Variants in PIP4K2A observed in about 807,000 individuals in gnomAD.
PIP4K2A encodes phosphatidylinositol-5-phosphate 4-kinase type 2 alpha, also known as phosphatidylinositol 5-phosphate 4-kinase type-2 alpha.
PIP4K2A carries 14 observed loss-of-function variants against 42.9 expected under a neutral mutation model. That is an observed-to-expected ratio of 0.33 (90% CI 0.22 to 0.51). The LOEUF is 0.51. Ranked by LOEUF, PIP4K2A falls within the 20% of genes least tolerant of loss-of-function variation. The pLI is 0.97. For missense variants in PIP4K2A, 434 were observed against 519.8 expected, an observed-to-expected ratio of 0.83 and a Z score of 1.61; for synonymous variants, 192 against 192.2, an observed-to-expected ratio of 1.00 and a Z score of 0.01.
At chr10:22,625,895 G>C (rs1294280125) in intron 1 of PIP4K2A, among the ~76,000 whole-genome samples, 2 of 152,178 alleles carry the variant, frequency 1.3e-5, no homozygotes, top group Non-Finnish European at 2.9e-5. Flanking sequence ...ACTCAGGAGG[G>C]AGGGGAAATG....
rs116613990 is a variant in PIP4K2A at position 22,561,359 on chromosome 10, C to T, written c.678+6492G>A. 1.8e-3 allele frequency among the ~76,000 whole-genome samples: 274 copies of T among 152,242 alleles called. 1 individual carries two copies. The highest frequency in any genetic ancestry group is 6.5e-3 in the African/African-American group (269 of 41,536). On this transcript the variant is annotated intron_variant, in intron 6 of 9. Coordinates refer to ENST00000376573, the MANE Select transcript of PIP4K2A (RefSeq NM_005028.5). The stretch of plus-strand genomic sequence containing the variant: ...CATGATTATGCTAATGCAAATCACA[C>T]TAATTACATGTCAAGCTACAATCTA...
At chr10:22,568,578 C>T (rs1386021358) in intron 5 of PIP4K2A, among the ~76,000 whole-genome samples, 2 of 152,154 alleles carry the variant, frequency 1.3e-5, no homozygotes, top group Non-Finnish European at 2.9e-5. Flanking sequence ...GAAAACATGG[C>T]CCTTGATCTC....
rs777853136 is a variant in PIP4K2A, at chr10:22,607,971, G to A, written c.295C>T (p.Arg99Cys). ...ATTCCAAACCTCTCCCGCAGGTTAC[G>A]GAAGACCATCGGGCAGTATTCCTTA... ...KFKEYCPMVFRNLRERFGIDD... is the reference protein window; with the variant it reads ...KFKEYCPMVFCNLRERFGIDD... The change falls in exon 3 of 10, where the codon CGT (arginine) becomes TGT (cysteine). Residue 99 changes from arginine to cysteine, a missense_variant. This residue lies in a region of PIP4K2A where 395 missense variants were observed against 444.5 expected (regional missense o/e 0.89). Transcript: ENST00000376573. 5.6e-6 allele frequency: 9 copies of A among 1,613,218 alleles called. No homozygotes were observed. Among genetic ancestry groups the A allele is most frequent in the Non-Finnish European group, 5.9e-6 (7 of 1,179,482 alleles).
At chr10:22,592,767 G>A (rs1837542686) in intron 3 of PIP4K2A, among the ~76,000 whole-genome samples, 1 of 152,172 alleles carries the variant, frequency 6.6e-6, no homozygotes, top group South Asian at 2.1e-4. Context: ...GCAAACCCCT[G>A]GCCCCCAGAA....
At chr10:22,700,501 C>T (rs1833693334) in intron 1 of PIP4K2A, among the ~76,000 whole-genome samples, 1 of 152,174 alleles carries the variant, frequency 6.6e-6, no homozygotes, top group Non-Finnish European at 1.5e-5. Context: ...CCGAGAAAAG[C>T]AAGGCAAACC....
At position 22,675,592 on chromosome 10, in the gene PIP4K2A, AAAAC is replaced by A. The variant is rs772499340; in HGVS notation, c.144+38587_144+38590del. ...GCAACAGAGTGAGACTCCGTCTCAA[AAAAC>A]AAACAAACAAAAACACTGTTGAGGA... On this transcript the variant is annotated intron_variant, in intron 1 of 9. Coordinates refer to ENST00000376573, the MANE Select transcript of PIP4K2A (RefSeq NM_005028.5). Among the ~76,000 whole-genome samples, 5 of 152,342 alleles carry A rather than the reference AAAAC, an allele frequency of 3.3e-5. 1 individual carries two copies. The highest frequency in any genetic ancestry group is 9.6e-5 in the African/African-American group (4 of 41,578).
chr10:22,610,783 C>T (rs1043197498), intron 1 of PIP4K2A, among the ~76,000 whole-genome samples: 2 of 152,150 alleles, frequency 1.3e-5, no homozygotes, highest in African/African-American at 2.4e-5. Context: ...AAGGCTTCAA[C>T]GTTAACCTGA....
chr10:22,546,355 C>A (rs983919871), intron 7 of PIP4K2A, among the ~76,000 whole-genome samples: 4 of 152,016 alleles, frequency 2.6e-5, no homozygotes, highest in African/African-American at 9.7e-5. Flanking sequence ...AGTTTGTAGA[C>A]CGGGGGAAAA....
At position 22,697,581 on chromosome 10, in the gene PIP4K2A, G is replaced by A. The variant is rs144475290; in HGVS notation, c.144+16602C>T. On this transcript the variant is annotated intron_variant, in intron 1 of 9. Transcript: ENST00000376573. ...CAAAAATTTGTTTTTAAAAATTAGCGGGGTATGGTGGCACACAACTATAGT... is the reference window on the plus strand; with the variant it reads ...CAAAAATTTGTTTTTAAAAATTAGCAGGGTATGGTGGCACACAACTATAGT... 5.0e-3 allele frequency among the ~76,000 whole-genome samples: 761 copies of A among 152,154 alleles called. 6 individuals carry two copies. The highest frequency in any genetic ancestry group is 0.017 in the African/African-American group (715 of 41,512).
chr10:22,635,014 G>C (rs1341309181), intron 1 of PIP4K2A, among the ~76,000 whole-genome samples: 2 of 152,120 alleles, frequency 1.3e-5, no homozygotes, highest in Non-Finnish European at 2.9e-5. Flanking sequence ...AGAAGACTAC[G>C]ATGGGGTGGA....
intron 1 of PIP4K2A, among the ~76,000 whole-genome samples, chr10:22,689,520 G>A (rs1839820958): frequency 6.6e-6 from 1 of 152,120 alleles, no homozygotes; most frequent in Non-Finnish European, 1.5e-5. Flanking sequence ...ATTGTATTAA[G>A]TACTATAATC....
intron 7 of PIP4K2A, 107 bp downstream of exon 7, chr10:22,550,552 G>T: frequency 1.3e-6 from 1 of 743,660 alleles, no homozygotes. Context: ...GAGTATGCAG[G>T]TTTTTGCCTT....
chr10:22,580,715 C>A (rs1837253922), intron 4 of PIP4K2A, among the ~76,000 whole-genome samples: 1 of 152,174 alleles, frequency 6.6e-6, no homozygotes, highest in South Asian at 2.1e-4. Flanking sequence ...TACAAGAATG[C>A]CAAAGTTACA....
chr10:22,636,867 T>G (rs191223083), intron 1 of PIP4K2A, among the ~76,000 whole-genome samples: 1 of 152,186 alleles, frequency 6.6e-6, no homozygotes, highest in Non-Finnish European at 1.5e-5. Flanking sequence ...AGCACAAGCC[T>G]GACAAGCACT....
chr10:22,650,690 A>G (rs1405834510), intron 1 of PIP4K2A, among the ~76,000 whole-genome samples: 2 of 152,224 alleles, frequency 1.3e-5, no homozygotes. Flanking sequence ...CTTTATTTTA[A>G]ATTAACTTCT....
chr10:22,592,797 C>A (rs1324365188), intron 3 of PIP4K2A, among the ~76,000 whole-genome samples: 2 of 152,220 alleles, frequency 1.3e-5, no homozygotes, highest in East Asian at 3.8e-4. Flanking sequence ...TCCATCCTTG[C>A]CGACTGCTCC....
At chr10:22,554,344 A>T (rs1836482488) in intron 6 of PIP4K2A, among the ~76,000 whole-genome samples, 1 of 152,210 alleles carries the variant, frequency 6.6e-6, no homozygotes, top group Non-Finnish European at 1.5e-5. Context: ...TCTTGGTGTA[A>T]AACTGCCTAC....
At chr10:22,664,130 C>CGTATATATATATACAT (rs1478006977) in intron 1 of PIP4K2A, among the ~76,000 whole-genome samples, 1 of 40,216 alleles carries the variant, frequency 2.5e-5, no homozygotes, top group Non-Finnish European at 4.0e-5. Context: ...TATATATATA[C>CGTATATATATATACAT]ATATATATAT....
At chr10:22,636,179 T>G (rs1838658983) in intron 1 of PIP4K2A, among the ~76,000 whole-genome samples, 1 of 152,162 alleles carries the variant, frequency 6.6e-6, no homozygotes. Flanking sequence ...ACAGGAAACG[T>G]TCTCTCCTGG....
Sources: allele counts gnomAD v4.1 joint callset (sites outside exome capture counted in the v4.1 genomes callset), GRCh38; gene constraint gnomAD v4.1.1; regional missense constraint gnomAD v4.1.1; transcripts MANE v1.5; gene names NCBI Gene and HGNC (gene_info 2026-07-23, HGNC 2026-07-21).